The following NTMT1 variants were observed in gnomAD, a reference collection of about 807,000 sequenced individuals.
The protein encoded by NTMT1 is N-terminal RCC1 methyltransferase.
In NTMT1, 8 loss-of-function variants were observed where a neutral mutation model predicts 17.5. That is an observed-to-expected ratio of 0.46 (90% confidence interval 0.27 to 0.82). The LOEUF (loss-of-function observed/expected upper bound fraction) is 0.82, where lower values mean the gene tolerates loss of function less well. Ranked by LOEUF, NTMT1 falls within the 40% of genes least tolerant of loss-of-function variation. The pLI is 0.15. For missense variants in NTMT1, 221 were observed against 303.5 expected (o/e 0.73, Z 2.02); for synonymous variants, 128 against 126.8 (o/e 1.01, Z -0.06).
At position 129,613,052 on chromosome 9, in the gene NTMT1, G is replaced by A; in HGVS notation, c.-55+3874G>A. On this transcript the variant is annotated intron_variant, in intron 1 of 3. Coordinates refer to the NTMT1 transcript ENST00000372486. The surrounding 1 kb of genome is among the most constrained non-coding windows in gnomAD (Gnocchi z 6.2). ...CCAAACAGGGCTGCTCCCGGAGCCA[G>A]CTGCCAGCAGGGGCTCACCAGCTTC... The A allele has an allele frequency of 6.2e-7, 1 of 1,606,808 alleles. No homozygotes were observed. Among genetic ancestry groups the A allele is most frequent in the Non-Finnish European group, 8.5e-7 (1 of 1,178,208 alleles).
upstream of NTMT1, among the ~76,000 whole-genome samples, chr9:129,624,769 C>T (rs1225676439): frequency 2.0e-5 from 3 of 152,166 alleles, no homozygotes; most frequent in Non-Finnish European, 2.9e-5. Flanking sequence ...GCTGGGACTA[C>T]AGGCATGCAC....
Position 129,614,826 on chromosome 9 carries a change from C to T in NTMT1, c.-55+5648C>T, listed in dbSNP as rs1040012652. Among the ~76,000 whole-genome samples, 2 of 151,970 alleles carry T rather than the reference C, an allele frequency of 1.3e-5. No individual in the cohort carries two copies. The highest frequency in any genetic ancestry group is 2.4e-5 in the African/African-American group (1 of 41,332). On this transcript the variant is annotated intron_variant, in intron 1 of 3. Transcript: ENST00000372486. The surrounding 1 kb of genome is among the most constrained non-coding windows in gnomAD (Gnocchi z 4.4). The stretch of plus-strand genomic sequence containing the variant: ...CTGAGGCAGGAGAATGGCATGAACC[C>T]GGGAGGTGGAGCTTGCAGCGAGCCG...
At chr9:129,612,228 T>G (rs1588107116) in intron 1 of NTMT1, 1 of 772,026 alleles carries the variant, frequency 1.3e-6, no homozygotes, top group East Asian at 2.7e-5. Context: ...GAAAGGCTTG[T>G]GGTGTGACAC....
intron 1 of NTMT1, chr9:129,615,744 C>T: frequency 7.6e-7 from 1 of 1,320,110 alleles, no homozygotes; most frequent in Non-Finnish European, 1.0e-6. Flanking sequence ...TGGACAAGTG[C>T]CCTACACTGG....
Position 129,613,719 on chromosome 9 carries a change from C to G in NTMT1, c.-55+4541C>G. 8.0e-7 allele frequency: 1 copy of G among 1,254,186 alleles called. No homozygotes were observed. Among genetic ancestry groups the G allele is most frequent in the Non-Finnish European group, 1.1e-6 (1 of 907,802 alleles). 77.7% of individuals were successfully genotyped at this position (1,254,186 alleles called of 1,614,324 possible). On this transcript the variant is annotated intron_variant, in intron 1 of 3. Transcript: ENST00000372486. The surrounding 1 kb of genome is among the most constrained non-coding windows in gnomAD (Gnocchi z 6.2). ...GCCCTGTCTCCATGGCAACCCCAGG[C>G]TCCCCAGCGCCTTCTGGCTGCCTCC... is the stretch of plus-strand genomic sequence containing the variant.
exon 1 of NTMT1, chr9:129,609,120 T>C (rs1461293952): frequency 3.9e-5 from 6 of 152,354 alleles, no homozygotes; most frequent in Admixed American, 3.9e-4. Flanking sequence ...AGGGCTCTGC[T>C]GGCTCAGGAC....
intron 1 of NTMT1, among the ~76,000 whole-genome samples, chr9:129,630,848 T>C (rs963700160): frequency 6.6e-6 from 1 of 152,256 alleles, no homozygotes; most frequent in Non-Finnish European, 1.5e-5. Flanking sequence ...ATGTAGCAGC[T>C]GCTGCTGCTG....
At chr9:129,616,967 G>A (rs917222185) in intron 1 of NTMT1, among the ~76,000 whole-genome samples, 2 of 152,014 alleles carry the variant, frequency 1.3e-5, no homozygotes, top group Non-Finnish European at 2.9e-5. Flanking sequence ...CCAGTTACTC[G>A]AGAGGTTGAG....
At chr9:129,615,742 T>G in intron 1 of NTMT1, 1 of 1,320,744 alleles carries the variant, frequency 7.6e-7, no homozygotes, top group Non-Finnish European at 1.0e-6. Context: ...CCTGGACAAG[T>G]GCCCTACACT....
chr9:129,611,202 C>T (rs1382908437), intron 1 of NTMT1, among the ~76,000 whole-genome samples: 1 of 152,200 alleles, frequency 6.6e-6, no homozygotes, highest in Non-Finnish European at 1.5e-5. Flanking sequence ...TTAAACAAGG[C>T]GCCAGGGTGT....
At chr9:129,634,368 A>C in intron 3 of NTMT1, 62 bp downstream of exon 3, 1 of 1,537,722 alleles carries the variant, frequency 6.5e-7, no homozygotes, top group South Asian at 1.3e-5. Flanking sequence ...CGTTCCCCAT[A>C]AGGTGTCAGG....
chr9:129,625,473 C>CTGT (rs1429921267), upstream of NTMT1, among the ~76,000 whole-genome samples: 1 of 152,274 alleles, frequency 6.6e-6, no homozygotes, highest in East Asian at 1.9e-4. Flanking sequence ...TCCAAACGAA[C>CTGT]TGTTGTACGT....
chr9:129,610,504 C>T (rs879904677), intron 1 of NTMT1, among the ~76,000 whole-genome samples: 2 of 151,856 alleles, frequency 1.3e-5, no homozygotes, highest in Non-Finnish European at 2.9e-5. Context: ...CGGCGCGTTT[C>T]CCCCCACCCG....
intron 1 of NTMT1, chr9:129,615,599 G>T: frequency 1.2e-6 from 2 of 1,604,146 alleles, no homozygotes; most frequent in Admixed American, 1.7e-5. Flanking sequence ...CCGAGGGGTT[G>T]TGGGTCAGCG....
chr9:129,615,583 C>T, intron 1 of NTMT1: 1 of 1,607,324 alleles, frequency 6.2e-7, no homozygotes, highest in Middle Eastern at 1.7e-4. Flanking sequence ...GGCCTAGAGC[C>T]TTCCCCCGAG....
At chr9:129,627,968 GGGA>G (rs1830977562) in intron 1 of NTMT1, among the ~76,000 whole-genome samples, 1 of 152,244 alleles carries the variant, frequency 6.6e-6, no homozygotes, top group Non-Finnish European at 1.5e-5. Context: ...CACCTTGGCG[GGGA>G]GGAGGAGGCA....
rs1387539615 is a variant in NTMT1, at chr9:129,620,714, C to T, written c.-55+11536C>T. ...CGGTGCGGGGTGAACGCCACCGGCCCGGCGGACAGCGAGTGGCTTCAGGCG... is the reference window on the plus strand; with the variant it reads ...CGGTGCGGGGTGAACGCCACCGGCCTGGCGGACAGCGAGTGGCTTCAGGCG... On this transcript the variant is annotated intron_variant, in intron 1 of 3. Coordinates refer to the NTMT1 transcript ENST00000372486. The surrounding 1 kb of genome is among the most constrained non-coding windows in gnomAD (Gnocchi z 5.8). The T allele has an allele frequency of 6.9e-6, 5 of 724,052 alleles. No homozygotes were observed. The African/African-American group carries it at 9.2e-5, about 13-fold the overall frequency. 44.9% of individuals were successfully genotyped at this position (724,052 alleles called of 1,614,324 possible).
Position 129,620,997 on chromosome 9 carries a change from T to C in NTMT1, c.-54-11653T>C, listed in dbSNP as rs747082367. On this transcript the variant is annotated intron_variant, in intron 1 of 3. Coordinates refer to the NTMT1 transcript ENST00000372486. This position sits in a 1 kb window ranked among gnomAD's most constrained non-coding sequence, Gnocchi z 5.8. ...TGTAACCTTGGCCAAGCCAATTAAC[T>C]TCCCTCTGCCTTCCCTGGGGGCTCT... Among the ~76,000 whole-genome samples, 4 of 152,228 alleles carry C rather than the reference T, an allele frequency of 2.6e-5. No individual in the cohort carries two copies. The highest frequency in any genetic ancestry group is 4.4e-5 in the Non-Finnish European group (3 of 68,046).
chr9:129,612,928 C>T (rs1236963454), intron 1 of NTMT1, among the ~76,000 whole-genome samples: 2 of 152,142 alleles, frequency 1.3e-5, no homozygotes, highest in East Asian at 3.9e-4. Flanking sequence ...TTGACAGCTG[C>T]CCTTTGAGGG....
Sources: allele counts gnomAD v4.1 joint callset (sites outside exome capture counted in the v4.1 genomes callset), GRCh38; gene constraint gnomAD v4.1.1; non-coding constraint Gnocchi (gnomAD v3.1); transcripts MANE v1.5; gene names NCBI Gene and HGNC (gene_info 2026-07-23, HGNC 2026-07-21).